The following LDAH variants were observed in gnomAD, a reference collection of about 807,000 sequenced individuals.
LDAH encodes lipid droplet-associated hydrolase.
Under a neutral mutation model 29.6 loss-of-function variants are expected in LDAH, and 26 were observed. That is an observed-to-expected ratio of 0.88 (90% confidence interval 0.64 to 1.22). The LOEUF (loss-of-function observed/expected upper bound fraction) is 1.22, where lower values mean the gene tolerates loss of function less well. Ranked by LOEUF, LDAH falls within the 50% of genes most tolerant of loss-of-function variation. The probability of loss-of-function intolerance (pLI) is 0.00; values close to 1 mark genes in which losing one functional copy is unlikely to be tolerated. For missense variants in LDAH, 344 were observed against 387.3 expected (o/e 0.89, Z 0.94); for synonymous variants, 117 against 133.0 (o/e 0.88, Z 0.83).
At chr2:20,702,117 G>A (rs1663989651) in intron 5 of LDAH, among the ~76,000 whole-genome samples, 2 of 151,376 alleles carry the variant, frequency 1.3e-5, no homozygotes, top group Admixed American at 1.3e-4. Flanking sequence ...TACGTTTAAA[G>A]TTCTCCAGGA....
intron 4 of LDAH, among the ~76,000 whole-genome samples, chr2:20,761,613 T>G (rs1031105184): frequency 6.6e-6 from 1 of 152,142 alleles, no homozygotes; most frequent in Non-Finnish European, 1.5e-5. Flanking sequence ...CCCTGTAGGA[T>G]AACTTGAGCC....
At chr2:20,718,325 C>T (rs1176134746) in intron 5 of LDAH, among the ~76,000 whole-genome samples, 2 of 152,032 alleles carry the variant, frequency 1.3e-5, no homozygotes, top group South Asian at 2.1e-4. Flanking sequence ...GAAAAAGATA[C>T]TCCATGCAAA....
At position 20,715,273 on chromosome 2, in the gene LDAH, C is replaced by T. The variant is rs186070001; in HGVS notation, c.704-13621G>A. Reference sequence around the variant, plus strand: ...TCCATCGCATAAACAGAACCAACGACAAAAACCACATGATTATCTCAATAG... The same window carrying T: ...TCCATCGCATAAACAGAACCAACGATAAAAACCACATGATTATCTCAATAG... On this transcript the variant is annotated intron_variant, in intron 5 of 6. Transcript: ENST00000237822. Among the ~76,000 whole-genome samples the T allele has an allele frequency of 9.2e-5, 14 of 152,294 alleles. No individual in the cohort carries two copies. In the East Asian group the frequency reaches 2.3e-3, roughly 25 times the overall value.
chr2:20,736,542 A>G (rs1009591774), intron 5 of LDAH, among the ~76,000 whole-genome samples: 1 of 152,150 alleles, frequency 6.6e-6, no homozygotes, highest in African/African-American at 2.4e-5. Context: ...ATCCCTAAAG[A>G]TGTGTCTTGG....
At chr2:20,762,634 C>A (rs536213840) in intron 4 of LDAH, among the ~76,000 whole-genome samples, 1 of 152,308 alleles carries the variant, frequency 6.6e-6, no homozygotes, top group Admixed American at 6.5e-5. Context: ...TATACTAATT[C>A]ATTAAACACT....
At chr2:20,786,844 C>T (rs908845380) in intron 3 of LDAH, among the ~76,000 whole-genome samples, 3 of 152,292 alleles carry the variant, frequency 2.0e-5, no homozygotes, top group South Asian at 4.1e-4. Flanking sequence ...CTGCCCTTCC[C>T]CCCAGGTTGG....
chr2:20,740,282 T>C, intron 4 of LDAH, 77 bp from the exon 5 acceptor site: 2 of 935,782 alleles, frequency 2.1e-6, no homozygotes, highest in Non-Finnish European at 3.4e-6. Flanking sequence ...TTCTATATAG[T>C]AATGACAAAT....
intron 6 of LDAH, among the ~76,000 whole-genome samples, chr2:20,697,808 T>G (rs1663603179): frequency 6.6e-6 from 1 of 152,220 alleles, no homozygotes; most frequent in African/African-American, 2.4e-5. Flanking sequence ...TTTGTTAATC[T>G]CTAACCAAAA....
chr2:20,787,943 T>C (rs994099670), intron 3 of LDAH, among the ~76,000 whole-genome samples: 9 of 152,208 alleles, frequency 5.9e-5, no homozygotes, highest in African/African-American at 1.9e-4. Flanking sequence ...GTATTATTCA[T>C]TGAAAAATCT....
intron 4 of LDAH, among the ~76,000 whole-genome samples, chr2:20,769,598 A>AT (rs943654663): frequency 3.3e-5 from 5 of 152,204 alleles, no homozygotes; most frequent in African/African-American, 1.2e-4. Context: ...TGGATGAGGT[A>AT]TATTCCTGAA....
intron 1 of LDAH, among the ~76,000 whole-genome samples, chr2:20,822,350 A>G (rs1045917969): frequency 2.0e-5 from 3 of 151,956 alleles, no homozygotes; most frequent in African/African-American, 7.3e-5. Flanking sequence ...TCACCGTGTT[A>G]GCCAGGATGG....
intron 5 of LDAH, among the ~76,000 whole-genome samples, chr2:20,722,783 G>A (rs1665752718): frequency 6.6e-6 from 1 of 152,126 alleles, no homozygotes; most frequent in African/African-American, 2.4e-5. Flanking sequence ...ACCATCAGAT[G>A]GCACTATATA....
At chr2:20,807,491 G>A (rs1672150988) in intron 1 of LDAH, among the ~76,000 whole-genome samples, 1 of 152,036 alleles carries the variant, frequency 6.6e-6, no homozygotes, top group African/African-American at 2.4e-5. Flanking sequence ...AAGGGTAATA[G>A]ATGACAACTA....
At chr2:20,754,973 A>C (rs1353638872) in intron 4 of LDAH, among the ~76,000 whole-genome samples, 2 of 152,180 alleles carry the variant, frequency 1.3e-5, no homozygotes, top group African/African-American at 4.8e-5. Flanking sequence ...GTATTACATC[A>C]ATATTACATT....
intron 5 of LDAH, among the ~76,000 whole-genome samples, chr2:20,725,491 G>C (rs1665949443): frequency 6.6e-6 from 1 of 152,168 alleles, no homozygotes; most frequent in Admixed American, 6.5e-5. Flanking sequence ...TTTTAGTTCT[G>C]GTGGACTGAC....
Position 20,790,325 on chromosome 2 carries a change from T to C in LDAH, c.228A>G (p.Pro76=). The change falls in exon 3 of 7, where the codon CCA becomes CCG. Residue 76 remains proline, a synonymous_variant. Transcript: ENST00000237822. ...ALYSLTNRRF[P]VWTISHAGHA... Reference sequence around the variant, plus strand: ...GCCCAGCATGACTGATAGTCCAAACTGGAAAGCGTCTGTTTGTCAAAGAGT... The same window carrying C: ...GCCCAGCATGACTGATAGTCCAAACCGGAAAGCGTCTGTTTGTCAAAGAGT... The C allele has an allele frequency of 5.6e-6, 9 of 1,614,098 alleles. No individual in the cohort carries two copies. Among genetic ancestry groups the C allele is most frequent in the Non-Finnish European group, 7.6e-6 (9 of 1,179,972 alleles).
At chr2:20,779,824 C>A (rs988589108) in intron 3 of LDAH, among the ~76,000 whole-genome samples, 1 of 152,064 alleles carries the variant, frequency 6.6e-6, no homozygotes, top group East Asian at 1.9e-4. Flanking sequence ...CATTGACATG[C>A]GGTTGTTCCT....
Position 20,699,794 on chromosome 2 carries a change from T to C in LDAH, c.786+1776A>G, listed in dbSNP as rs542467765. On this transcript the variant is annotated intron_variant, in intron 6 of 6. Coordinates refer to ENST00000237822, the MANE Select transcript of LDAH (RefSeq NM_021925.4). ...TTTCCCCATAAAATTTCAGTAAACT[T>C]ACAGTCCTGACATAATTACCATGAA... is the stretch of plus-strand genomic sequence containing the variant. Among the ~76,000 whole-genome samples the C allele has an allele frequency of 1.1e-4, 17 of 152,328 alleles. No individual in the cohort carries two copies. In the South Asian group the frequency reaches 1.9e-3, roughly 17 times the overall value.
At chr2:20,695,861 C>T (rs1439392508) in intron 6 of LDAH, among the ~76,000 whole-genome samples, 1 of 152,146 alleles carries the variant, frequency 6.6e-6, no homozygotes, top group African/African-American at 2.4e-5. Flanking sequence ...AAAGGAGGCA[C>T]AGTGAGGTCC....
Sources: gnomAD v4.1 joint callset for allele counts (sites outside exome capture counted in the v4.1 genomes callset) on GRCh38, gnomAD v4.1.1 for gene constraint, MANE v1.5 for transcripts, NCBI Gene and HGNC (gene_info 2026-07-23, HGNC 2026-07-21) for gene names.